The following TJP1 variants were observed in gnomAD, a reference collection of about 807,000 sequenced individuals.
TJP1 encodes tight junction protein ZO-1.
TJP1 carries 43 observed loss-of-function variants against 194.2 expected under a neutral mutation model. The observed-to-expected ratio is 0.22, with a 90% CI of 0.17 to 0.29. TJP1 has a LOEUF of 0.29. TJP1 is among the 10% of genes least tolerant of loss of function. The pLI is 1.00. For missense variants in TJP1, 1,971 were observed against 2,185.7 expected, an observed-to-expected ratio of 0.90 and a Z score of 1.96; for synonymous variants, 801 against 779.0, an observed-to-expected ratio of 1.03 and a Z score of -0.47.
chr15:29,911,430 C>T (rs927574272), intron 2 of TJP1, among the ~76,000 whole-genome samples: 1 of 152,156 alleles, frequency 6.6e-6, no homozygotes, highest in Non-Finnish European at 1.5e-5. Flanking sequence ...CTACCTGAGA[C>T]TGGGTAATTT....
chr15:29,802,597 G>A (rs1251555555), intron 1 of TJP1, among the ~76,000 whole-genome samples: 4 of 150,044 alleles, frequency 2.7e-5, no homozygotes, highest in African/African-American at 7.4e-5. Context: ...AACATTGACC[G>A]GGATAATGCA....
At chr15:29,933,331 T>C (rs2054780576) in intron 2 of TJP1, among the ~76,000 whole-genome samples, 1 of 151,938 alleles carries the variant, frequency 6.6e-6, no homozygotes, top group African/African-American at 2.4e-5. Flanking sequence ...GAAGAGATTG[T>C]AGGAAGAAAA....
At chr15:29,725,710 C>G (rs1052036386) in intron 18 of TJP1, among the ~76,000 whole-genome samples, 6 of 152,148 alleles carry the variant, frequency 3.9e-5, no homozygotes, top group African/African-American at 1.4e-4. Flanking sequence ...TATTTTAAAG[C>G]TGGCCATTTG....
In TJP1 at chr15:29,832,431, C is replaced by G. The variant is rs187433099; in HGVS notation, c.307-31729G>C. Among the ~76,000 whole-genome samples the G allele has an allele frequency of 3.3e-5, 5 of 152,324 alleles. No homozygotes were observed. In the East Asian group the frequency reaches 9.6e-4, roughly 29 times the overall value. Reference sequence around the variant, plus strand: ...TGTCTGAGCCAGATTTGCCGACGCACAGAATCATGATTGTTTTTTAATATG... The same window carrying G: ...TGTCTGAGCCAGATTTGCCGACGCAGAGAATCATGATTGTTTTTTAATATG... On this transcript the variant is annotated intron_variant, in intron 2 of 28. Coordinates refer to the TJP1 transcript ENST00000356107.
chr15:29,798,031 T>A (rs2048528819), intron 2 of TJP1, among the ~76,000 whole-genome samples: 1 of 152,182 alleles, frequency 6.6e-6, no homozygotes. Context: ...TGGAATGCAA[T>A]GGCGTGATCT....
chr15:29,754,879 T>G (rs1033089350), intron 8 of TJP1, among the ~76,000 whole-genome samples: 1 of 152,166 alleles, frequency 6.6e-6, no homozygotes, highest in African/African-American at 2.4e-5. Flanking sequence ...CAGAGAAAAT[T>G]AAGCAATATG....
chr15:29,878,677 CAT>C (rs1243756875), intron 2 of TJP1, among the ~76,000 whole-genome samples: 6 of 152,100 alleles, frequency 3.9e-5, no homozygotes, highest in Admixed American at 1.3e-4. Flanking sequence ...CTCTGTATAA[CAT>C]CCAACCATGC....
rs2041858650 is a variant in TJP1 at position 29,705,765 on chromosome 15, TAGTG to T, written c.4851-24_4851-21del. ...GAAGGACTGAAAGTTCAGAAATGGC[TAGTG>T]AGTGAATTCCTAATAATACACAGGT... On this transcript the variant is annotated intron_variant, in intron 25 of 27. Coordinates refer to ENST00000614355, the MANE Select transcript of TJP1 (RefSeq NM_001330239.4). 2 of 1,609,548 alleles carry T rather than the reference TAGTG, an allele frequency of 1.2e-6. No individual in the cohort carries two copies. Among genetic ancestry groups the T allele is most frequent in the Non-Finnish European group, 1.7e-6 (2 of 1,176,064 alleles).
chr15:29,762,205 T>C (rs572262437), intron 6 of TJP1, 130 bp downstream of exon 6: 14 of 659,354 alleles, frequency 2.1e-5, no homozygotes, highest in African/African-American at 1.6e-4. Context: ...GGAATTTATA[T>C]CCCTCTCCCC....
intron 6 of TJP1, among the ~76,000 whole-genome samples, chr15:29,762,133 T>C (rs1203287074): frequency 1.3e-5 from 2 of 152,228 alleles, no homozygotes. Flanking sequence ...CTGTGAATAA[T>C]TATCTCAGGA....
At chr15:29,708,445 G>C in intron 25 of TJP1, 114 bp downstream of exon 25, 2 of 859,108 alleles carry the variant, frequency 2.3e-6, no homozygotes, top group Non-Finnish European at 3.7e-6. Context: ...ACACTCTTCA[G>C]TTTAAAGGTT....
chr15:29,754,948 A>C (rs2045550895), intron 8 of TJP1, among the ~76,000 whole-genome samples: 1 of 152,226 alleles, frequency 6.6e-6, no homozygotes, highest in Non-Finnish European at 1.5e-5. Flanking sequence ...ATGCTGACGA[A>C]AACAATTATG....
At chr15:29,951,031 A>G (rs1334776352) in intron 2 of TJP1, among the ~76,000 whole-genome samples, 1 of 152,228 alleles carries the variant, frequency 6.6e-6, no homozygotes, top group Non-Finnish European at 1.5e-5. Flanking sequence ...CATTTGTTAA[A>G]TAAGTTAAAT....
chr15:29,789,369 T>C (rs1400633570), intron 2 of TJP1, among the ~76,000 whole-genome samples: 3 of 152,168 alleles, frequency 2.0e-5, no homozygotes, highest in East Asian at 1.9e-4. Context: ...GGTAAACAAC[T>C]ATCTGATGTA....
intron 12 of TJP1, among the ~76,000 whole-genome samples, chr15:29,733,654 G>A (rs888024344): frequency 6.6e-6 from 1 of 151,950 alleles, no homozygotes; most frequent in Non-Finnish European, 1.5e-5. Context: ...TTTATCCCTC[G>A]CCATCCAACA....
intron 23 of TJP1, among the ~76,000 whole-genome samples, chr15:29,713,118 C>A (rs923029899): frequency 2.0e-5 from 3 of 152,192 alleles, no homozygotes; most frequent in Non-Finnish European, 4.4e-5. Context: ...CAGTCTCTCA[C>A]ATTTAGTTCT....
chr15:29,806,033 C>T (rs138393761), intron 1 of TJP1, among the ~76,000 whole-genome samples: 1 of 152,174 alleles, frequency 6.6e-6, no homozygotes, highest in East Asian at 1.9e-4. Flanking sequence ...TAATATAATG[C>T]CAAGGACTTT....
chr15:29,784,224 T>C (rs935846784), intron 2 of TJP1, among the ~76,000 whole-genome samples: 5 of 152,190 alleles, frequency 3.3e-5, no homozygotes, highest in Non-Finnish European at 4.4e-5. Context: ...TATCTGAGAA[T>C]ATCAACTCAG....
intron 2 of TJP1, among the ~76,000 whole-genome samples, chr15:29,840,805 GGTCTCA>G (rs1452761472): frequency 6.6e-6 from 1 of 152,132 alleles, no homozygotes; most frequent in Non-Finnish European, 1.5e-5. Context: ...ATAACTGGAA[GGTCTCA>G]GTATTCAAAG....
Sources: gnomAD v4.1 joint callset for allele counts (sites outside exome capture counted in the v4.1 genomes callset) on GRCh38, gnomAD v4.1.1 for gene constraint, MANE v1.5 for transcripts, NCBI Gene and HGNC (gene_info 2026-07-23, HGNC 2026-07-21) for gene names.